Variants in COL4A4 observed in about 807,000 individuals in gnomAD.
COL4A4 encodes the protein collagen type IV alpha 4 chain, also known as collagen alpha-4(IV) chain.
In COL4A4, 105 loss-of-function variants were observed where a neutral mutation model predicts 192.9. That is an observed-to-expected ratio of 0.54 (90% CI 0.46 to 0.64). The LOEUF (loss-of-function observed/expected upper bound fraction) is 0.64. Ranked by LOEUF, COL4A4 falls within the 30% of genes least tolerant of loss-of-function variation. The pLI is 0.00. For missense variants in COL4A4, 1,967 were observed against 2,169.3 expected (o/e 0.91, Z 1.85); for synonymous variants, 762 against 769.9 (o/e 0.99, Z 0.17).
At chr2:227,156,713 T>C (rs1301297482) in intron 1 of COL4A4, among the ~76,000 whole-genome samples, 1 of 152,102 alleles carries the variant, frequency 6.6e-6, no homozygotes, top group Non-Finnish European at 1.5e-5. Flanking sequence ...ATAATGGATA[T>C]ATTAACAGCA....
chr2:227,133,039 T>C (rs150979263), intron 4 of COL4A4, among the ~76,000 whole-genome samples: 2 of 152,216 alleles, frequency 1.3e-5, no homozygotes, highest in Non-Finnish European at 2.9e-5. Context: ...TGCTTTTGAG[T>C]GCACCTGTAT....
intron 4 of COL4A4, 31 bp downstream of exon 4, chr2:227,140,130 T>G (rs751934770): frequency 6.3e-7 from 1 of 1,578,340 alleles, no homozygotes; most frequent in Admixed American, 1.7e-5. Context: ...AATTCAGGAA[T>G]GCTGCCCATG....
chr2:227,107,153 ATTTC>A (rs1258641862), intron 12 of COL4A4, among the ~76,000 whole-genome samples: 1 of 152,156 alleles, frequency 6.6e-6, no homozygotes, highest in African/African-American at 2.4e-5. Flanking sequence ...TCATTCAGTC[ATTTC>A]TACAAGCCAG....
At chr2:227,092,716 A>T (rs2060004199) in intron 20 of COL4A4, among the ~76,000 whole-genome samples, 1 of 152,222 alleles carries the variant, frequency 6.6e-6, no homozygotes, top group South Asian at 2.1e-4. Context: ...CAGCTGGTGA[A>T]TGGCCCTTAT....
the COL4A4 span, among the ~76,000 whole-genome samples, chr2:226,975,980 G>A: frequency 6.6e-6 from 1 of 152,088 alleles, no homozygotes; most frequent in Middle Eastern, 3.4e-3. Context: ...CACACTCATG[G>A]TTCCAGTTGA....
rs768405199 is a variant in COL4A4, at chr2:227,082,185, TC to T, written c.1625del (p.Gly542GlufsTer111). ...CAGGTGGTCCAGAGGCACCATGCTT[TC>T]CCTTGGTGAAAAATAAGAGAAACAA... ...PGAEGPPGLPGKHGASGPPGN... is the reference protein window; with the variant it reads ...PGAEGPPGLPXKHGASGPPGN... On this transcript the variant is annotated frameshift_variant and splice_region_variant, in exon 23 of 48. Coordinates refer to ENST00000396625, the MANE Select transcript of COL4A4 (RefSeq NM_000092.5). LOFTEE classifies it high-confidence loss of function. 6.2e-7 allele frequency: 1 copy of T among 1,613,800 alleles called. No individual in the cohort carries two copies. The highest frequency in any genetic ancestry group is 8.5e-7 in the Non-Finnish European group (1 of 1,179,784).
intron 4 of COL4A4, among the ~76,000 whole-genome samples, chr2:227,135,627 G>T (rs1034602956): frequency 2.1e-5 from 3 of 145,946 alleles, no homozygotes; most frequent in Non-Finnish European, 3.0e-5. Flanking sequence ...CCCAAATCCT[G>T]TCCAGGCTGG....
chr2:227,008,381 G>GCAAAGGCCAGATGGA, intron 46 of COL4A4, 77 bp from the exon 47 acceptor site: 1 of 1,504,034 alleles, frequency 6.6e-7, no homozygotes. Flanking sequence ...TCCTCCATCT[G>GCAAAGGCCAGATGGA]GCCTTTGCAG....
chr2:227,033,549 G>A (rs564676411), intron 37 of COL4A4, 68 bp from the exon 38 acceptor site: 44 of 1,378,046 alleles, frequency 3.2e-5, no homozygotes, highest in Admixed American at 6.8e-5. Context: ...AGCCACAAAC[G>A]CAGGCACTGC....
At chr2:227,080,825 T>G (rs965797981) in intron 23 of COL4A4, among the ~76,000 whole-genome samples, 1 of 152,144 alleles carries the variant, frequency 6.6e-6, no homozygotes, top group African/African-American at 2.4e-5. Flanking sequence ...CTACCTGTGA[T>G]GCCAAGCACA....
intron 42 of COL4A4, among the ~76,000 whole-genome samples, chr2:227,027,298 T>C (rs1967083642): frequency 6.8e-6 from 1 of 147,316 alleles, no homozygotes; most frequent in African/African-American, 2.5e-5. Flanking sequence ...ATGAACTCCT[T>C]TTTTTTTTTT....
chr2:227,108,922 T>G (rs1468343302), intron 10 of COL4A4, 54 bp from the exon 11 acceptor site: 24 of 1,560,758 alleles, frequency 1.5e-5, no homozygotes, highest in Non-Finnish European at 2.0e-5. Context: ...GAAATCAGAA[T>G]GTGCCTTCTT....
rs1559475464 is a variant in COL4A4 at position 227,041,763 on chromosome 2, G to GGA, written c.3505+384_3505+385insTC. 6.0e-4 allele frequency among the ~76,000 whole-genome samples: 71 copies of GGA among 119,226 alleles called. 4 individuals carry two copies. The highest frequency in any genetic ancestry group is 2.3e-3 in the African/African-American group (65 of 28,594). 78.2% of individuals were successfully genotyped at this position (119,226 alleles called of 152,430 possible). A position where few individuals can be genotyped will look rare whatever the true frequency, so the allele number is the denominator to read the frequency against. On this transcript the variant is annotated intron_variant, in intron 37 of 47. Coordinates refer to ENST00000396625, the MANE Select transcript of COL4A4 (RefSeq NM_000092.5). The stretch of plus-strand genomic sequence containing the variant: ...GGAAGGAAGGAAGGAAGGAAGGAAG[G>GGA]AAGGAAGGAAGGAAGGAAGGAAGGG...
intron 31 of COL4A4, among the ~76,000 whole-genome samples, chr2:227,053,429 G>C (rs1442087007): frequency 2.0e-5 from 3 of 151,958 alleles, no homozygotes; most frequent in Non-Finnish European, 4.4e-5. Context: ...TCACCCATTA[G>C]AGCCACAGGA....
downstream of COL4A4, among the ~76,000 whole-genome samples, chr2:226,999,890 C>T (rs1960492801): frequency 1.3e-5 from 2 of 152,176 alleles, no homozygotes; most frequent in African/African-American, 4.8e-5. Context: ...GGGTTTCTGC[C>T]AGGAAGTTGT....
At chr2:227,102,712 C>A in intron 15 of COL4A4, 77 bp downstream of exon 15, 1 of 1,263,252 alleles carries the variant, frequency 7.9e-7, no homozygotes, top group Non-Finnish European at 1.2e-6. Flanking sequence ...GCTTGTGGGA[C>A]TACTGACCTG....
chr2:227,118,728 G>C lies in COL4A4; in HGVS notation c.406C>G (p.Pro136Ala). 6.2e-7 allele frequency: 1 copy of C among 1,613,868 alleles called. No homozygotes were observed. Among genetic ancestry groups the C allele is most frequent in the African/African-American group, 1.3e-5 (1 of 75,038 alleles). Residue 136 changes from proline (P) to alanine (A), a missense_variant, in exon 7 of 48, where the codon CCT (proline) becomes GCT (alanine). By Grantham distance (27) the Pro-to-Ala change is conservative. Coordinates refer to ENST00000396625, the MANE Select transcript of COL4A4 (RefSeq NM_000092.5). ...HPGPPGPRGKPGMSGHNGSRG... is the reference protein window; with the variant it reads ...HPGPPGPRGKAGMSGHNGSRG... ...GAGCCATTGTGGCCACTCATACCAG[G>C]TTTGCCTCTGGGTCCAGGAGGCCCT... is the stretch of plus-strand genomic sequence containing the variant.
the COL4A4 span, among the ~76,000 whole-genome samples, chr2:226,994,050 G>A: frequency 6.6e-6 from 1 of 152,194 alleles, no homozygotes; most frequent in Non-Finnish European, 1.5e-5. Context: ...TGGGTCCAAG[G>A]CCATGTGTGC....
Position 227,046,082 on chromosome 2 carries a change from G to GATAT in COL4A4, c.3289+1389_3289+1392dup, listed in dbSNP as rs1422419737. ...AAACATATATACATATATATATTTA[G>GATAT]ATATATATGTACATATATATATATC... On this transcript the variant is annotated intron_variant, in intron 35 of 47. Coordinates refer to ENST00000396625, the MANE Select transcript of COL4A4 (RefSeq NM_000092.5). 8.4e-3 allele frequency among the ~76,000 whole-genome samples: 522 copies of GATAT among 61,828 alleles called. 3 individuals carry two copies. Among genetic ancestry groups the GATAT allele is most frequent in the African/African-American group, 0.027 (496 of 18,250 alleles). 40.6% of individuals were successfully genotyped at this position (61,828 alleles called of 152,430 possible). A position where few individuals can be genotyped will look rare whatever the true frequency, so the allele number is the denominator to read the frequency against.
Sources: gnomAD v4.1 joint callset for allele counts (sites outside exome capture counted in the v4.1 genomes callset) on GRCh38, gnomAD v4.1.1 for gene constraint, MANE v1.5 for transcripts, NCBI Gene and HGNC (gene_info 2026-07-23, HGNC 2026-07-21) for gene names.